The following ZNF280B variants were observed in gnomAD, a reference collection of about 807,000 sequenced individuals.
ZNF280B encodes zinc finger protein 280B.
Under a neutral mutation model 38.0 loss-of-function variants are expected in ZNF280B, and 16 were observed. That is an observed-to-expected ratio of 0.42 (90% CI 0.28 to 0.64). The LOEUF (loss-of-function observed/expected upper bound fraction) is 0.64. Ranked by LOEUF, ZNF280B falls within the 30% of genes least tolerant of loss-of-function variation. The pLI is 0.21. For missense variants in ZNF280B, 581 were observed against 639.6 expected, an observed-to-expected ratio of 0.91 and a Z score of 0.99; for synonymous variants, 253 against 230.6, an observed-to-expected ratio of 1.10 and a Z score of -0.88.
At chr22:22,492,420 C>T (rs1445892876) in intron 3 of ZNF280B, among the ~76,000 whole-genome samples, 1 of 151,848 alleles carries the variant, frequency 6.6e-6, no homozygotes, top group Admixed American at 6.6e-5. Context: ...GTGATCTCTA[C>T]CCACTAGAAA....
Position 22,505,628 on chromosome 22 carries a change from C to T in ZNF280B, c.-187+2182G>A, listed in dbSNP as rs561653910. Among the ~76,000 whole-genome samples, 7 of 150,236 alleles carry T rather than the reference C, an allele frequency of 4.7e-5. No individual in the cohort carries two copies. In the East Asian group the frequency reaches 6.0e-4, roughly 13 times the overall value. On this transcript the variant is annotated intron_variant, in intron 2 of 3. Coordinates refer to ENST00000626650, the MANE Select transcript of ZNF280B (RefSeq NM_080764.4). ...TACAAAAATTAGCTGGGTGTGGTGGCGGGCACCTGTAATCCCAGCTACTTG... is the reference window on the plus strand; with the variant it reads ...TACAAAAATTAGCTGGGTGTGGTGGTGGGCACCTGTAATCCCAGCTACTTG...
At chr22:22,497,125 T>C (rs1008123693) in intron 2 of ZNF280B, among the ~76,000 whole-genome samples, 8 of 145,038 alleles carry the variant, frequency 5.5e-5, no homozygotes, top group Non-Finnish European at 1.2e-4. Flanking sequence ...GCCTGGGATC[T>C]ACTCCTAAGC....
In ZNF280B at chr22:22,503,414, C is replaced by T. The variant is rs1041565569; in HGVS notation, c.-187+4396G>A. Among the ~76,000 whole-genome samples the T allele has an allele frequency of 1.3e-5, 2 of 151,886 alleles. 1 individual carries two copies. The highest frequency in any genetic ancestry group is 1.3e-4 in the Admixed American group (2 of 15,252). ...CTATATTTCAAAGAAAAACAAATGC[C>T]TAGTAACAGGCTGGTATAACCCCCC... On this transcript the variant is annotated intron_variant, in intron 2 of 3. Transcript: ENST00000626650.
At chr22:22,504,923 G>A (rs1017246876) in intron 2 of ZNF280B, among the ~76,000 whole-genome samples, 14 of 152,008 alleles carry the variant, frequency 9.2e-5, no homozygotes, top group African/African-American at 2.9e-4. Flanking sequence ...TGATATAGCA[G>A]TGATCCAAAG....
Position 22,488,824 on chromosome 22 carries a change from T to A in ZNF280B, c.575A>T (p.Asp192Val). 1 of 1,613,862 alleles carries A rather than the reference T, an allele frequency of 6.2e-7. No homozygotes were observed. Among genetic ancestry groups the A allele is most frequent in the East Asian group, 2.2e-5 (1 of 44,784 alleles). ...TGAAGAATTTCCTTCTATAATTCCA[T>A]CCCTGAGTTTAGCCCTTTTGGGATT... The part of the protein sequence containing the change: ...SINPKRAKLR[D>V]GIIEGNSSAS... The change falls in exon 4 of 4, where the codon GAT becomes GTT. Residue 192 changes from aspartate (D) to valine (V), a missense_variant. Asp to Val is a radical substitution (Grantham distance 152). Coordinates refer to ENST00000626650, the MANE Select transcript of ZNF280B (RefSeq NM_080764.4).
chr22:22,496,029 C>A (rs1288728156), intron 2 of ZNF280B, among the ~76,000 whole-genome samples: 5 of 151,312 alleles, frequency 3.3e-5, no homozygotes, highest in African/African-American at 1.2e-4. Flanking sequence ...TGGTCTCGAA[C>A]CCCTGACCTC....
In ZNF280B at chr22:22,503,157, A is replaced by C. The variant is rs1217035259; in HGVS notation, c.-187+4653T>G. On this transcript the variant is annotated intron_variant, in intron 2 of 3. Coordinates refer to ENST00000626650, the MANE Select transcript of ZNF280B (RefSeq NM_080764.4). ...TTATTTTAGACTTCTGACCTCCCGA[A>C]CTAAGGGAGAATAAATTTTTGTTGT... Among the ~76,000 whole-genome samples the C allele has an allele frequency of 7.9e-5, 12 of 151,960 alleles. 1 individual carries two copies. Among genetic ancestry groups the C allele is most frequent in the Non-Finnish European group, 1.8e-4 (12 of 68,014 alleles).
chr22:22,491,969 C>T (rs570423640), intron 3 of ZNF280B, among the ~76,000 whole-genome samples: 1 of 151,860 alleles, frequency 6.6e-6, no homozygotes, highest in East Asian at 2.0e-4. Context: ...TCAGCATAAT[C>T]CAAAGCATAA....
intron 1 of ZNF280B, among the ~76,000 whole-genome samples, chr22:22,508,115 A>T (rs370411132): frequency 6.6e-6 from 1 of 151,984 alleles, no homozygotes; most frequent in African/African-American, 2.4e-5. Context: ...CTCTCACGGG[A>T]GGGACTCCAT....
Position 22,488,079 on chromosome 22 carries a change from A to G in ZNF280B, c.1320T>C (p.Ile440=). 1 of 1,613,936 alleles carries G rather than the reference A, an allele frequency of 6.2e-7. No individual in the cohort carries two copies. The highest frequency in any genetic ancestry group is 1.1e-5 in the South Asian group (1 of 91,074). ...KNLLCPFCLK[I]FKTATPYMCH... Reference sequence around the variant, plus strand: ...ACATGTATGGTGTTGCTGTTTTGAAAATTTTGAGACAAAAGGGACAAAGCA... The same window carrying G: ...ACATGTATGGTGTTGCTGTTTTGAAGATTTTGAGACAAAAGGGACAAAGCA... Residue 440 remains isoleucine (I), a synonymous_variant, in exon 4 of 4, where the codon ATT becomes ATC. Coordinates refer to ENST00000626650, the MANE Select transcript of ZNF280B (RefSeq NM_080764.4).
At position 22,486,359 on chromosome 22, in the gene ZNF280B, A is replaced by T. The variant is rs1000543791; in HGVS notation, c.*1408T>A. ...GGGACAGTCCTCATTCCAGCTTAAC[A>T]GTGGGAAAACTAAATTTAGCCCAGT... On this transcript the variant is annotated 3_prime_UTR_variant, in exon 4 of 4. Coordinates refer to ENST00000626650, the MANE Select transcript of ZNF280B (RefSeq NM_080764.4). 2.0e-5 allele frequency: 3 copies of T among 147,466 alleles called. No homozygotes were observed. Among genetic ancestry groups the T allele is most frequent in the Non-Finnish European group, 4.4e-5 (3 of 68,010 alleles). 9.1% of individuals were successfully genotyped at this position (147,466 alleles called of 1,614,324 possible).
intron 2 of ZNF280B, among the ~76,000 whole-genome samples, chr22:22,504,672 T>G (rs914481325): frequency 3.3e-5 from 5 of 151,994 alleles, no homozygotes; most frequent in African/African-American, 1.2e-4. Flanking sequence ...TGTTTGCTAT[T>G]TTAGTGGAAC....
intron 1 of ZNF280B, among the ~76,000 whole-genome samples, chr22:22,508,112 G>A (rs2061976254): frequency 6.6e-6 from 1 of 151,862 alleles, no homozygotes; most frequent in African/African-American, 2.4e-5. Context: ...TGGCTCTCAC[G>A]GGAGGGACTC....
chr22:22,508,393 C>T (rs909184054), intron 1 of ZNF280B, among the ~76,000 whole-genome samples: 1 of 151,854 alleles, frequency 6.6e-6, no homozygotes, highest in Non-Finnish European at 1.5e-5. Context: ...CCGGGCCCAG[C>T]CCGGGGGTGG....
chr22:22,509,143 C>A (rs114890323), upstream of ZNF280B: 2,624 of 152,524 alleles, frequency 0.017, 63 homozygotes, highest in African/African-American at 0.061. Context: ...GGCTTCCAGT[C>A]CATCAGGGGA....
Position 22,485,182 on chromosome 22 carries a change from A to G in ZNF280B, c.*2585T>C, listed in dbSNP as rs1159128359. 1.3e-5 allele frequency: 2 copies of G among 152,040 alleles called. No individual in the cohort carries two copies. Among genetic ancestry groups the G allele is most frequent in the South Asian group, 2.1e-4 (1 of 4,820 alleles). The allele number at this position is 152,040 out of a possible 1,614,324, so 9.4% of individuals were successfully genotyped here. A position where few individuals can be genotyped will look rare whatever the true frequency, so the allele number is the denominator to read the frequency against. On this transcript the variant is annotated 3_prime_UTR_variant, in exon 4 of 4. Transcript: ENST00000626650. ...AATCTACAGTTGGCAATTAATGACC[A>G]TATGTACTCCTTAAGAGCATGCTTT...
At chr22:22,507,094 T>C (rs1256199423) in intron 2 of ZNF280B, among the ~76,000 whole-genome samples, 4 of 151,846 alleles carry the variant, frequency 2.6e-5, no homozygotes, top group Admixed American at 1.3e-4. Context: ...AACAGCCCCA[T>C]GGAGAGGCCC....
At chr22:22,502,143 A>G (rs1450094860) in intron 2 of ZNF280B, among the ~76,000 whole-genome samples, 1 of 151,878 alleles carries the variant, frequency 6.6e-6, no homozygotes, top group Non-Finnish European at 1.5e-5. Flanking sequence ...AAACAATAAA[A>G]AATGGGCGAA....
At chr22:22,499,602 C>T (rs1267333336) in intron 2 of ZNF280B, among the ~76,000 whole-genome samples, 2 of 151,916 alleles carry the variant, frequency 1.3e-5, no homozygotes, top group Non-Finnish European at 2.9e-5. Context: ...ACTACACCTG[C>T]CTGCAGAAAA....
Sources: gnomAD v4.1 joint callset for allele counts (sites outside exome capture counted in the v4.1 genomes callset) on GRCh38, gnomAD v4.1.1 for gene constraint, MANE v1.5 for transcripts, NCBI Gene and HGNC (gene_info 2026-07-23, HGNC 2026-07-21) for gene names.